LRRC27: variants seen among roughly 807,000 people sequenced by gnomAD.
LRRC27 encodes the protein leucine rich repeat containing 27.
LRRC27 carries 57 observed loss-of-function variants against 55.0 expected under a neutral mutation model. The ratio of observed to expected loss-of-function variants is 1.04; its 90% confidence interval spans 0.84 to 1.29. LRRC27 has a LOEUF of 1.29. LRRC27 is among the 50% of genes most tolerant of loss of function. The probability of loss-of-function intolerance (pLI) is 0.00; values close to 1 mark genes in which losing one functional copy is unlikely to be tolerated. For missense variants in LRRC27, 721 were observed against 651.5 expected (o/e 1.11, Z -1.16); for synonymous variants, 278 against 251.9 (o/e 1.10, Z -0.98).
At chr10:132,357,038 G>A (rs1226409511) in intron 8 of LRRC27, among the ~76,000 whole-genome samples, 2 of 152,250 alleles carry the variant, frequency 1.3e-5, no homozygotes, top group African/African-American at 4.8e-5. Flanking sequence ...GACAGTTCAG[G>A]AGTGTTTCCT....
chr10:132,349,522 C>T (rs1013568425), intron 6 of LRRC27, among the ~76,000 whole-genome samples: 3 of 152,188 alleles, frequency 2.0e-5, no homozygotes, highest in African/African-American at 7.2e-5. Context: ...TCCACACAGT[C>T]GCACGGTGAA....
chr10:132,338,175 G>C (rs548680432), intron 3 of LRRC27, among the ~76,000 whole-genome samples: 1 of 152,258 alleles, frequency 6.6e-6, no homozygotes, highest in South Asian at 2.1e-4. Flanking sequence ...AATTTGCCAG[G>C]CGTGGTGGTG....
chr10:132,362,168 G>A (rs1190881624), intron 9 of LRRC27, among the ~76,000 whole-genome samples: 2 of 151,522 alleles, frequency 1.3e-5, no homozygotes, highest in South Asian at 2.1e-4. Flanking sequence ...CACTTGAGAC[G>A]TTTTGATTTT....
chr10:132,342,159 G>A, intron 3 of LRRC27, 54 bp from the exon 4 acceptor site: 1 of 1,111,282 alleles, frequency 9.0e-7, no homozygotes, highest in Non-Finnish European at 1.3e-6. Context: ...ATATTTTGGA[G>A]ATAGTCAATT....
chr10:132,346,139 G>A (rs575255180), intron 5 of LRRC27, among the ~76,000 whole-genome samples: 2 of 152,336 alleles, frequency 1.3e-5, no homozygotes, highest in South Asian at 2.1e-4. Flanking sequence ...AGAGGCGAGG[G>A]CGGGTAGGCT....
chr10:132,343,392 C>G (rs548839781), intron 4 of LRRC27, among the ~76,000 whole-genome samples: 2 of 152,136 alleles, frequency 1.3e-5, no homozygotes, highest in Non-Finnish European at 2.9e-5. Context: ...GTAAATGGAA[C>G]GAGTTATGGC....
At chr10:132,365,366 T>A (rs905830567) in intron 9 of LRRC27, 58 bp from the exon 10 acceptor site, 5 of 1,596,436 alleles carry the variant, frequency 3.1e-6, no homozygotes, top group Non-Finnish European at 4.3e-6. Context: ...ATGGCGGGAG[T>A]TGCTAGGATG....
At chr10:132,353,099 C>T in intron 7 of LRRC27, 1 of 1,499,084 alleles carries the variant, frequency 6.7e-7, no homozygotes, top group Non-Finnish European at 8.9e-7. Context: ...GCATGGACCA[C>T]AGCCACAGCA....
upstream of LRRC27, chr10:132,332,034 C>G (rs1276190297): frequency 2.8e-6 from 1 of 356,546 alleles, no homozygotes; most frequent in Non-Finnish European, 5.0e-6. Context: ...CACCCCGCCC[C>G]CGCACGCAGG....
chr10:132,364,825 T>TCTACCTCCACACCCACACTTACACTCAC (rs1564855141), intron 9 of LRRC27, among the ~76,000 whole-genome samples: 1 of 117,646 alleles, frequency 8.5e-6, no homozygotes, highest in African/African-American at 3.4e-5. Context: ...CACCCTTACA[T>TCTACCTCCACACCCACACTTACACTCAC]CTACCTCCAC....
intron 3 of LRRC27, among the ~76,000 whole-genome samples, chr10:132,338,315 C>A (rs1271094997): frequency 6.6e-6 from 1 of 151,682 alleles, no homozygotes; most frequent in African/African-American, 2.4e-5. Context: ...GAGTCCGTCT[C>A]AAAAAAAATA....
At chr10:132,352,961 CTGCCGCCAG>C in intron 7 of LRRC27, 3 of 1,613,846 alleles carry the variant, frequency 1.9e-6, no homozygotes, top group Non-Finnish European at 2.5e-6. Context: ...GTTGCTGTGA[CTGCCGCCAG>C]TGCCACCACC....
chr10:132,346,038 G>A (rs912221587), intron 5 of LRRC27, among the ~76,000 whole-genome samples: 8 of 152,208 alleles, frequency 5.3e-5, no homozygotes, highest in Admixed American at 3.9e-4. Flanking sequence ...TCGCTATGGC[G>A]ATGTGTGAGC....
In LRRC27 at chr10:132,344,621, A is replaced by G; in HGVS notation, c.524A>G (p.His175Arg). The change falls in exon 5 of 11, where the codon CAC becomes CGC. Residue 175 changes from histidine (H) to arginine (R), a missense_variant. By Grantham distance (29) the His-to-Arg change is conservative. Coordinates refer to ENST00000368614, the MANE Select transcript of LRRC27 (RefSeq NM_030626.3). ...QRFLRMWAVE[H>R]SLPRNPTSQE... ...TTCCTGCGGATGTGGGCAGTAGAACACTCTCTCCCCAGAAATCCAACTTCT... is the reference window on the plus strand; with the variant it reads ...TTCCTGCGGATGTGGGCAGTAGAACGCTCTCTCCCCAGAAATCCAACTTCT... 1.2e-6 allele frequency: 2 copies of G among 1,613,840 alleles called. No individual in the cohort carries two copies. The highest frequency in any genetic ancestry group is 8.5e-7 in the Non-Finnish European group (1 of 1,179,866).
upstream of LRRC27, chr10:132,331,820 C>T: frequency 1.9e-6 from 3 of 1,553,286 alleles, no homozygotes; most frequent in South Asian, 2.3e-5. Context: ...ACCACCACCC[C>T]TTCAAGGCCG....
At position 132,337,344 on chromosome 10, in the gene LRRC27, C is replaced by G. The variant is rs548615003; in HGVS notation, c.211-221C>G. On this transcript the variant is annotated intron_variant, in intron 2 of 10. Coordinates refer to ENST00000368614, the MANE Select transcript of LRRC27 (RefSeq NM_030626.3). ...GTGCCGGCTCTTCAGGAAGTCAGTTCCGGCTCCAAAGGCCGCCGGAAGGAG... is the reference window on the plus strand; with the variant it reads ...GTGCCGGCTCTTCAGGAAGTCAGTTGCGGCTCCAAAGGCCGCCGGAAGGAG... 25 of 1,340,718 alleles carry G rather than the reference C, an allele frequency of 1.9e-5. No individual in the cohort carries two copies. The East Asian group carries it at 5.9e-4, about 31-fold the overall frequency. 83.1% of individuals were successfully genotyped at this position (1,340,718 alleles called of 1,614,324 possible).
In LRRC27 at chr10:132,372,467, C is replaced by G. The variant is rs2069241759; in HGVS notation, c.1417-2599C>G. Among the ~76,000 whole-genome samples the G allele has an allele frequency of 6.6e-6, 1 of 152,244 alleles. No individual in the cohort carries two copies. Among genetic ancestry groups the G allele is most frequent in the South Asian group, 2.1e-4 (1 of 4,838 alleles). On this transcript the variant is annotated intron_variant, in intron 10 of 10. Transcript: ENST00000368614. This position sits in a 1 kb window ranked among gnomAD's most constrained non-coding sequence, Gnocchi z 4.0. ...CCTGTAATCCCAGCTACGCAGGAGA[C>G]AAAGGCCGGAGAATCGCTTGAACCC...
intron 9 of LRRC27, among the ~76,000 whole-genome samples, chr10:132,364,510 T>TCCACGC (rs1564853835): frequency 1.4e-3 from 2 of 1,472 alleles, no homozygotes; most frequent in African/African-American, 2.3e-3. Flanking sequence ...TACATCTACC[T>TCCACGC]CCACACTCGC....
chr10:132,335,619 G>A (rs1460132862), intron 2 of LRRC27, among the ~76,000 whole-genome samples: 1 of 152,152 alleles, frequency 6.6e-6, no homozygotes, highest in Non-Finnish European at 1.5e-5. Flanking sequence ...TTGGTTGTTG[G>A]GTAGGGGCTG....
Sources: allele counts gnomAD v4.1 joint callset (sites outside exome capture counted in the v4.1 genomes callset), GRCh38; gene constraint gnomAD v4.1.1; non-coding constraint Gnocchi (gnomAD v3.1); transcripts MANE v1.5; gene names NCBI Gene and HGNC (gene_info 2026-07-23, HGNC 2026-07-21).